Variants in MACROH2A1 observed in about 807,000 individuals in gnomAD.
MACROH2A1 encodes macroH2A.1 histone, also known as core histone macro-H2A.1.
A neutral mutation model predicts 31.6 loss-of-function variants in MACROH2A1; 2 were observed. That is an observed-to-expected ratio of 0.06 (90% CI 0.03 to 0.20). MACROH2A1 has a LOEUF of 0.20. Among genes scored for constraint, MACROH2A1 ranks in the 10% least tolerant of loss-of-function variants. MACROH2A1 has a pLI of 1.00. For synonymous variants in MACROH2A1, 169 were observed against 189.6 expected (o/e 0.89, Z 0.89); for missense variants, 230 against 474.0 (o/e 0.49, Z 4.78).
At chr5:135,347,134 G>A (rs954613469) in intron 6 of MACROH2A1, 2 of 152,154 alleles carry the variant, frequency 1.3e-5, no homozygotes, top group East Asian at 1.9e-4. Flanking sequence ...GGTATGGGAC[G>A]GTCAAGGTGC....
chr5:135,368,353 G>A (rs983088126), intron 4 of MACROH2A1, among the ~76,000 whole-genome samples: 1 of 152,240 alleles, frequency 6.6e-6, no homozygotes, highest in Non-Finnish European at 1.5e-5. Context: ...GTCCTGGGAA[G>A]GTGTCCTCAC....
chr5:135,376,644 G>T (rs1295348434), intron 2 of MACROH2A1, among the ~76,000 whole-genome samples: 2 of 152,190 alleles, frequency 1.3e-5, no homozygotes, highest in Non-Finnish European at 2.9e-5. Context: ...TCGGGGTTTG[G>T]ATCCCAGCTC....
intron 8 of MACROH2A1, among the ~76,000 whole-genome samples, chr5:135,337,292 A>C (rs901834915): frequency 6.6e-6 from 1 of 152,270 alleles, no homozygotes; most frequent in Non-Finnish European, 1.5e-5. Context: ...AGCTGTCTCC[A>C]ACAACGGTTA....
At chr5:135,393,904 A>G (rs1016451317) in intron 1 of MACROH2A1, among the ~76,000 whole-genome samples, 3 of 152,258 alleles carry the variant, frequency 2.0e-5, no homozygotes, top group Admixed American at 6.5e-5. Flanking sequence ...ACAAACTTTT[A>G]TAGAGGAGCT....
At position 135,334,927 on chromosome 5, in the gene MACROH2A1, TAAAC is replaced by T. The variant is rs1340829959; in HGVS notation, c.*45_*48del. 2.0e-6 allele frequency: 3 copies of T among 1,524,034 alleles called. No homozygotes were observed. Among genetic ancestry groups the T allele is most frequent in the Middle Eastern group, 1.8e-4 (1 of 5,620 alleles). The allele number at this position is 1,524,034 out of a possible 1,614,324, so 94.4% of individuals were successfully genotyped here. ...AGTGAAGGGGATTTTTTTTTTCTTT[TAAAC>T]TGAAGGTGGGGTACATGGTGCAGCT... On this transcript the variant is annotated 3_prime_UTR_variant, in exon 9 of 9. Coordinates refer to ENST00000511689, the MANE Select transcript of MACROH2A1 (RefSeq NM_138610.3).
chr5:135,384,013 AT>A (rs1766050668), intron 2 of MACROH2A1, among the ~76,000 whole-genome samples: 1 of 152,142 alleles, frequency 6.6e-6, no homozygotes, highest in African/African-American at 2.4e-5. Flanking sequence ...TCCAGGACAC[AT>A]TTGAGTGTCC....
chr5:135,396,024 T>C (rs1767924602), intron 1 of MACROH2A1, among the ~76,000 whole-genome samples: 1 of 152,230 alleles, frequency 6.6e-6, no homozygotes, highest in Admixed American at 6.5e-5. Context: ...GAAACAGTTT[T>C]GGGGAAGCTA....
chr5:135,386,649 G>A (rs1192157369), intron 2 of MACROH2A1, among the ~76,000 whole-genome samples: 2 of 152,148 alleles, frequency 1.3e-5, no homozygotes, highest in Non-Finnish European at 2.9e-5. Context: ...CTGAGTCAAC[G>A]TCTCTAGCCC....
chr5:135,380,586 C>T (rs950489536), intron 2 of MACROH2A1, among the ~76,000 whole-genome samples: 1 of 152,138 alleles, frequency 6.6e-6, no homozygotes, highest in Non-Finnish European at 1.5e-5. Context: ...AGGATCCAGG[C>T]AGGCCTCAAC....
At chr5:135,375,369 G>GACT (rs1732818074) in intron 2 of MACROH2A1, among the ~76,000 whole-genome samples, 1 of 152,192 alleles carries the variant, frequency 6.6e-6, no homozygotes, top group Non-Finnish European at 1.5e-5. Context: ...AGCATGGTTT[G>GACT]GCAGCCTTTT....
chr5:135,357,364 C>T (rs1224736459), intron 5 of MACROH2A1: 1 of 152,258 alleles, frequency 6.6e-6, no homozygotes, highest in Non-Finnish European at 1.5e-5. Context: ...ACTGATGCTT[C>T]AACTTCAAGA....
At chr5:135,358,980 G>A in intron 5 of MACROH2A1, 1 of 985,382 alleles carries the variant, frequency 1.0e-6, no homozygotes, top group Non-Finnish European at 1.2e-6. Context: ...AGAGCCCAGA[G>A]GAGGCCGTGA....
intron 1 of MACROH2A1, among the ~76,000 whole-genome samples, chr5:135,395,950 C>T (rs528594220): frequency 1.0e-3 from 156 of 152,302 alleles, no homozygotes; most frequent in African/African-American, 3.4e-3. Flanking sequence ...TGTCTTACTC[C>T]TGTTATGTTT....
Position 135,334,862 on chromosome 5 carries a change from A to G in MACROH2A1, c.*114T>C. On this transcript the variant is annotated 3_prime_UTR_variant, in exon 9 of 9. Coordinates refer to ENST00000511689, the MANE Select transcript of MACROH2A1 (RefSeq NM_138610.3). ...ACCAAAGCCTTATTTTCCCTAGATG[A>G]GCAAAACTGAAAATGAAAGGGGTCC... 3 of 874,414 alleles carry G rather than the reference A, an allele frequency of 3.4e-6. No homozygotes were observed. Among genetic ancestry groups the G allele is most frequent in the Non-Finnish European group, 5.4e-6 (3 of 552,222 alleles). The allele number at this position is 874,414 out of a possible 1,614,324, so 54.2% of individuals were successfully genotyped here.
At chr5:135,386,258 C>G (rs1259415911) in intron 2 of MACROH2A1, among the ~76,000 whole-genome samples, 2 of 152,164 alleles carry the variant, frequency 1.3e-5, no homozygotes, top group Non-Finnish European at 2.9e-5. Context: ...GCTCCTCTCC[C>G]ATCACAAAAC....
chr5:135,336,308 C>T (rs1042646639), intron 8 of MACROH2A1, among the ~76,000 whole-genome samples: 2 of 152,234 alleles, frequency 1.3e-5, no homozygotes, highest in African/African-American at 4.8e-5. Flanking sequence ...CAGTGCATTT[C>T]ACAGCCACAG....
intron 8 of MACROH2A1, among the ~76,000 whole-genome samples, chr5:135,338,719 C>A (rs908598687): frequency 6.6e-6 from 1 of 152,166 alleles, no homozygotes; most frequent in African/African-American, 2.4e-5. Flanking sequence ...TAACCACGGC[C>A]CCTCTGAATA....
chr5:135,395,268 G>A (rs1767810894), intron 1 of MACROH2A1, among the ~76,000 whole-genome samples: 1 of 152,106 alleles, frequency 6.6e-6, no homozygotes, highest in African/African-American at 2.4e-5. Context: ...TAAACAATCA[G>A]GGCACTCATG....
chr5:135,398,967 C>CGGTGT lies in MACROH2A1; in HGVS notation c.-34+94_-34+95insACACC. On this transcript the variant is annotated intron_variant, in intron 1 of 8. Transcript: ENST00000511689. The surrounding 1 kb of genome is among the most constrained non-coding windows in gnomAD (Gnocchi z 4.6). ...GGCCCGAGCCCGGCCCGCACCACACCGGTGCGCGCCAGGCCGGGCCGCTCC... is the reference window on the plus strand; with the variant it reads ...GGCCCGAGCCCGGCCCGCACCACACCGGTGTGGTGCGCGCCAGGCCGGGCCGCTCC... The CGGTGT allele has an allele frequency of 6.7e-6, 1 of 149,024 alleles. No individual in the cohort carries two copies. Among genetic ancestry groups the CGGTGT allele is most frequent in the South Asian group, 2.1e-4 (1 of 4,668 alleles). 9.2% of individuals were successfully genotyped at this position (149,024 alleles called of 1,614,324 possible). A position where few individuals can be genotyped will look rare whatever the true frequency, so the allele number is the denominator to read the frequency against.
Sources: allele counts gnomAD v4.1 joint callset (sites outside exome capture counted in the v4.1 genomes callset), GRCh38; gene constraint gnomAD v4.1.1; non-coding constraint Gnocchi (gnomAD v3.1); transcripts MANE v1.5; gene names NCBI Gene and HGNC (gene_info 2026-07-23, HGNC 2026-07-21).